Variants in PRRC2A observed in about 807,000 individuals in gnomAD.
The protein encoded by PRRC2A is proline rich coiled-coil 2A, also known as protein PRRC2A.
Under a neutral mutation model 224.6 loss-of-function variants are expected in PRRC2A, and 59 were observed. That is an observed-to-expected ratio of 0.26 (90% CI 0.21 to 0.33). The LOEUF (loss-of-function observed/expected upper bound fraction) is 0.33. Ranked by LOEUF, PRRC2A falls within the 10% of genes least tolerant of loss-of-function variation. The probability of loss-of-function intolerance (pLI) is 1.00; values close to 1 mark genes in which losing one functional copy is unlikely to be tolerated. For synonymous variants in PRRC2A, 1,194 were observed against 1,109.5 expected (o/e 1.08, Z -1.51); for missense variants, 3,095 against 2,880.7 (o/e 1.07, Z -1.70).
At chr6:31,633,708 G>A (rs1776960722) in intron 17 of PRRC2A, 61 bp downstream of exon 17, 8 of 1,549,470 alleles carry the variant, frequency 5.2e-6, no homozygotes, top group African/African-American at 1.4e-5. Context: ...AAGTGCTGGA[G>A]GGAGCGGGTG....
intron 13 of PRRC2A, 92 bp downstream of exon 13, chr6:31,629,426 C>T: frequency 6.7e-6 from 10 of 1,484,456 alleles, no homozygotes; most frequent in Non-Finnish European, 9.1e-6. Context: ...GGTCCCTTTG[C>T]TTCTTTGTCC....
rs778791046 is a variant in PRRC2A, at chr6:31,629,789, G to A, written c.2198G>A (p.Arg733Gln). The A allele has an allele frequency of 9.9e-6, 16 of 1,613,172 alleles. No individual in the cohort carries two copies. The highest frequency in any genetic ancestry group is 1.4e-5 in the Non-Finnish European group (16 of 1,179,684). ...ATGATTCCTCCTTATGTGGACCCCCGGCTCCTCCAGGGTCGTCCCCCTCTA... is the reference window on the plus strand; with the variant it reads ...ATGATTCCTCCTTATGTGGACCCCCAGCTCCTCCAGGGTCGTCCCCCTCTA... ...WMMIPPYVDP[R>Q]LLQGRPPLDF... is the part of the protein sequence containing the mutation. Residue 733 changes from arginine (R) to glutamine (Q), a missense_variant, in exon 14 of 31, where the codon CGG becomes CAG. Physicochemically the swap from Arg to Gln is conservative, Grantham distance 43. This residue lies in a region of PRRC2A where 2,001 missense variants were observed against 1,764.9 expected (regional missense o/e 1.13). Coordinates refer to ENST00000376033, the MANE Select transcript of PRRC2A (RefSeq NM_004638.4).
chr6:31,634,049 G>A (rs1777022277), intron 18 of PRRC2A, 60 bp downstream of exon 18: 12 of 1,585,314 alleles, frequency 7.6e-6, no homozygotes, highest in Non-Finnish European at 1.0e-5. Flanking sequence ...ATTCTTCTGG[G>A]TTATGTTTTC....
At chr6:31,626,248 A>G in intron 9 of PRRC2A, 86 bp downstream of exon 9, 1 of 1,465,870 alleles carries the variant, frequency 6.8e-7, no homozygotes, top group Admixed American at 1.9e-5. Flanking sequence ...TGTGGGTGAA[A>G]GGCAGACATT....
At chr6:31,633,344 A>G (rs766110867) in intron 16 of PRRC2A, 35 bp from the exon 17 acceptor site, 1 of 1,591,036 alleles carries the variant, frequency 6.3e-7, no homozygotes, top group Non-Finnish European at 8.6e-7. Context: ...GTAACGATTT[A>G]GTGGATACTG....
intron 14 of PRRC2A, among the ~76,000 whole-genome samples, chr6:31,630,279 C>T (rs1212429605): frequency 2.0e-5 from 3 of 152,132 alleles, no homozygotes; most frequent in Admixed American, 6.5e-5. Flanking sequence ...ATTGTGCCAT[C>T]GCACTCCAGC....
Position 31,625,394 on chromosome 6 carries a change from C to T in PRRC2A, c.608-66C>T. 6.2e-7 allele frequency: 1 copy of T among 1,612,150 alleles called. No homozygotes were observed. The highest frequency in any genetic ancestry group is 1.1e-5 in the South Asian group (1 of 91,032). On this transcript the variant is annotated intron_variant, in intron 6 of 30. Transcript: ENST00000376033. The surrounding 1 kb of genome is among the most constrained non-coding windows in gnomAD (Gnocchi z 4.1). ...CTGGCTTATTCACCTTCCTCCCCAT[C>T]ACTTTCAGCTGTGTTCACTTGTCCT...
At position 31,634,802 on chromosome 6, in the gene PRRC2A, C is replaced by T. The variant is rs1199206498; in HGVS notation, c.4985C>T (p.Ser1662Leu). Residue 1662 changes from serine (S) to leucine (L), a missense_variant, in exon 21 of 31, where the codon TCA (serine) becomes TTA (leucine). Around this residue, in one of 8 missense-constraint regions of PRRC2A, gnomAD observed 15 missense variants for 35.3 expected, o/e 0.42. Transcript: ENST00000376033. Reference sequence around the variant, plus strand: ...GACCTGAGTGGGGATTCTCAGGTGTCATCAGGTCCCTGCAGCCAGCGAAGT... The same window carrying T: ...GACCTGAGTGGGGATTCTCAGGTGTTATCAGGTCCCTGCAGCCAGCGAAGT... The part of the protein sequence containing the change: ...GVDLSGDSQV[S>L]SGPCSQRSSP... The T allele has an allele frequency of 6.2e-7, 1 of 1,612,838 alleles. No homozygotes were observed. Among genetic ancestry groups the T allele is most frequent in the South Asian group, 1.1e-5 (1 of 91,076 alleles).
At position 31,631,991 on chromosome 6, in the gene PRRC2A, A is replaced by G. The variant is rs746840164; in HGVS notation, c.3318A>G (p.Ser1106=). ...CCAAGCGGCGCCGGCAGCGGGGCTC[A>G]GAAACAGGCAGCGAGACCCATGAGA... ...EIPKRRRQRG[S]ETGSETHESD... is the part of the protein sequence containing the mutation. Residue 1106 remains serine (S), a synonymous_variant, in exon 16 of 31, where the codon TCA becomes TCG. Coordinates refer to ENST00000376033, the MANE Select transcript of PRRC2A (RefSeq NM_004638.4). The surrounding 1 kb of genome is among the most constrained non-coding windows in gnomAD (Gnocchi z 4.5). 4 of 1,612,114 alleles carry G rather than the reference A, an allele frequency of 2.5e-6. No individual in the cohort carries two copies. The highest frequency in any genetic ancestry group is 1.7e-5 in the Admixed American group (1 of 59,932).
Position 31,625,734 on chromosome 6 carries a change from G to A in PRRC2A, c.760-58G>A. On this transcript the variant is annotated intron_variant, in intron 7 of 30. Transcript: ENST00000376033. The surrounding 1 kb of genome is among the most constrained non-coding windows in gnomAD (Gnocchi z 4.1). ...GGAGGATGATTGATAGCAGGCTTAA[G>A]GAGCTAGAAGGGTATATGACTGTCC... 1.9e-6 allele frequency: 3 copies of A among 1,561,124 alleles called. No individual in the cohort carries two copies. Among genetic ancestry groups the A allele is most frequent in the South Asian group, 1.1e-5 (1 of 89,962 alleles).
At position 31,635,279 on chromosome 6, in the gene PRRC2A, G is replaced by A. The variant is rs1201250578; in HGVS notation, c.5301+7G>A. On this transcript the variant is annotated splice_region_variant and intron_variant, in intron 22 of 30. Transcript: ENST00000376033. ...GTTTGGCACTAGTGACAAGGTCTGT[G>A]TGGGCTGGATCTGGGTATCCTGAGT... The A allele has an allele frequency of 6.2e-7, 1 of 1,614,044 alleles. No individual in the cohort carries two copies. The highest frequency in any genetic ancestry group is 2.2e-5 in the East Asian group (1 of 44,880).
chr6:31,631,059 T>C lies in PRRC2A; in HGVS notation c.2466-80T>C. The C allele has an allele frequency of 7.4e-7, 1 of 1,359,302 alleles. No homozygotes were observed. The highest frequency in any genetic ancestry group is 1.0e-6 in the Non-Finnish European group (1 of 997,216). The allele number at this position is 1,359,302 out of a possible 1,614,324, so 84.2% of individuals were successfully genotyped here. On this transcript the variant is annotated intron_variant, in intron 15 of 30. Transcript: ENST00000376033. This position sits in a 1 kb window ranked among gnomAD's most constrained non-coding sequence, Gnocchi z 4.5. ...GAAAAATAGTAAAAGAGAGTCTGCA[T>C]CATAATAAAGTGTTCTTTTCCCACC...
chr6:31,623,757 T>A lies in PRRC2A; in HGVS notation c.138T>A (p.Ser46Arg). 1 of 1,613,918 alleles carries A rather than the reference T, an allele frequency of 6.2e-7. No homozygotes were observed. Among genetic ancestry groups the A allele is most frequent in the Non-Finnish European group, 8.5e-7 (1 of 1,179,972 alleles). ...PAVAPRHGLQSLGKVAIARRM... is the reference protein window; with the variant it reads ...PAVAPRHGLQRLGKVAIARRM... ...TTGCCCCTCGCCATGGCCTGCAGAG[T>A]CTCGGGAAAGTTGCCATTGCCCGGC... is the stretch of plus-strand genomic sequence containing the variant. Residue 46 changes from serine to arginine, a missense_variant, in exon 3 of 31, where the codon AGT (serine) becomes AGA (arginine). Around this residue, in one of 8 missense-constraint regions of PRRC2A, gnomAD observed 64 missense variants for 68.2 expected, o/e 0.94. Coordinates refer to ENST00000376033, the MANE Select transcript of PRRC2A (RefSeq NM_004638.4).
In PRRC2A at chr6:31,630,756, C is replaced by T. The variant is rs761692826; in HGVS notation, c.2420C>T (p.Thr807Ile). Residue 807 changes from threonine (T) to isoleucine (I), a missense_variant, in exon 15 of 31, where the codon ACC becomes ATC. By Grantham distance (89) the Thr-to-Ile change is moderately conservative (BLOSUM62 -1). This residue lies in a region of PRRC2A where 2,001 missense variants were observed against 1,764.9 expected (regional missense o/e 1.13). Coordinates refer to ENST00000376033, the MANE Select transcript of PRRC2A (RefSeq NM_004638.4). Reference protein sequence around the residue: ...TATPAEPRPLTSPLRQAADED... With the variant: ...TATPAEPRPLISPLRQAADED... Reference sequence around the variant, plus strand: ...ACACCCGCTGAACCCCGCCCACTTACCTCACCTCTGCGCCAGGCTGCGGAT... The same window carrying T: ...ACACCCGCTGAACCCCGCCCACTTATCTCACCTCTGCGCCAGGCTGCGGAT... 4.3e-6 allele frequency: 7 copies of T among 1,614,196 alleles called. No homozygotes were observed. In the East Asian group the frequency reaches 1.3e-4, roughly 31 times the overall value.
Position 31,633,560 on chromosome 6 carries a change from C to G in PRRC2A, c.4501C>G (p.Pro1501Ala). ...ACCAGGGGGTCATCCAAGGCACAAGCCTGGGCTTCCCCAAGCCCCTCAGGG... is the reference window on the plus strand; with the variant it reads ...ACCAGGGGGTCATCCAAGGCACAAGGCTGGGCTTCCCCAAGCCCCTCAGGG... ...TAPGGHPRHK[P>A]GLPQAPQGPS... is the part of the protein sequence containing the mutation. Residue 1501 changes from proline to alanine, a missense_variant, in exon 17 of 31, where the codon CCT becomes GCT. Physicochemically the swap from Pro to Ala is conservative, Grantham distance 27 (BLOSUM62 -1). Coordinates refer to ENST00000376033, the MANE Select transcript of PRRC2A (RefSeq NM_004638.4). 6.2e-7 allele frequency: 1 copy of G among 1,613,058 alleles called. No homozygotes were observed. Among genetic ancestry groups the G allele is most frequent in the Non-Finnish European group, 8.5e-7 (1 of 1,179,972 alleles).
rs1776078388 is a variant in PRRC2A at position 31,627,782 on chromosome 6, C to T, written c.1308C>T (p.Pro436=). ...ATTGACAGGATCGTGGGGGTCCTCC[C>T]TGCAAGCCCCCAGCACCTGAAGATG... ...PGDYPDRGGP[P]CKPPAPEDED... The change falls in exon 12 of 31, where the codon CCC becomes CCT. Residue 436 remains proline, a synonymous_variant. Transcript: ENST00000376033. The surrounding 1 kb of genome is among the most constrained non-coding windows in gnomAD (Gnocchi z 5.6). 1.2e-5 allele frequency: 19 copies of T among 1,612,650 alleles called. No individual in the cohort carries two copies. Among genetic ancestry groups the T allele is most frequent in the Non-Finnish European group, 1.6e-5 (19 of 1,179,872 alleles).
chr6:31,624,235 A>C, intron 3 of PRRC2A, 26 bp from the exon 4 acceptor site: 3 of 1,605,556 alleles, frequency 1.9e-6, no homozygotes, highest in Non-Finnish European at 2.6e-6. Context: ...TCAGGTGTGA[A>C]TAACCTTCCC....
intron 2 of PRRC2A, 73 bp downstream of exon 2, chr6:31,622,974 T>C (rs1232590327): frequency 8.1e-7 from 1 of 1,234,338 alleles, no homozygotes; most frequent in Non-Finnish European, 1.2e-6. Flanking sequence ...TAGAGCTCTT[T>C]AAAGGGAAGT....
rs749260409 is a variant in PRRC2A at position 31,637,592 on chromosome 6, T to C, written c.*6T>C. 1 of 1,532,810 alleles carries C rather than the reference T, an allele frequency of 6.5e-7. No individual in the cohort carries two copies. Among genetic ancestry groups the C allele is most frequent in the Admixed American group, 2.1e-5 (1 of 48,736 alleles). The allele number at this position is 1,532,810 out of a possible 1,614,324, so 95.0% of individuals were successfully genotyped here. On this transcript the variant is annotated 3_prime_UTR_variant, in exon 31 of 31. Coordinates refer to ENST00000376033, the MANE Select transcript of PRRC2A (RefSeq NM_004638.4). ...GGTTGCCCCCACCCCGCTGAGGGAG[T>C]TCCTCTTGCCCCCTACCCCCGGGGC... is the stretch of plus-strand genomic sequence containing the variant.
Sources: gnomAD v4.1 joint callset for allele counts (sites outside exome capture counted in the v4.1 genomes callset) on GRCh38, gnomAD v4.1.1 for gene constraint, gnomAD v4.1.1 regional missense constraint, Gnocchi (gnomAD v3.1) non-coding constraint, MANE v1.5 for transcripts, NCBI Gene and HGNC (gene_info 2026-07-23, HGNC 2026-07-21) for gene names.